The following OGA variants were observed in gnomAD, a reference collection of about 807,000 sequenced individuals.
The protein encoded by OGA is O-GlcNAcase, also known as protein O-GlcNAcase.
A neutral mutation model predicts 102.0 loss-of-function variants in OGA; 21 were observed. The ratio of observed to expected loss-of-function variants is 0.21; its 90% CI spans 0.15 to 0.30. The LOEUF (loss-of-function observed/expected upper bound fraction) is 0.30, where lower values mean the gene tolerates loss of function less well. Ranked by LOEUF, OGA falls within the 10% of genes least tolerant of loss-of-function variation. The pLI is 1.00. For synonymous variants in OGA, 408 were observed against 378.2 expected, an observed-to-expected ratio of 1.08 and a Z score of -0.91; for missense variants, 765 against 1,107.8, an observed-to-expected ratio of 0.69 and a Z score of 4.39.
chr10:101,809,780 G>A (rs2065528625), intron 4 of OGA, among the ~76,000 whole-genome samples: 1 of 150,570 alleles, frequency 6.6e-6, no homozygotes, highest in Non-Finnish European at 1.5e-5. Flanking sequence ...TAAAAAACCA[G>A]GCATGGTGAC....
At chr10:101,805,061 G>T (rs2065450442) in intron 6 of OGA, among the ~76,000 whole-genome samples, 1 of 151,832 alleles carries the variant, frequency 6.6e-6, no homozygotes, top group Admixed American at 6.6e-5. Context: ...TTTTGAGACA[G>T]GGTCTCATTC....
chr10:101,787,261 G>A, intron 15 of OGA, 103 bp downstream of exon 15: 1 of 1,184,316 alleles, frequency 8.4e-7, no homozygotes, highest in Non-Finnish European at 1.2e-6. Context: ...GGTGGGAAAA[G>A]CAGTATAAAT....
chr10:101,811,056 T>C (rs1387210553), intron 3 of OGA, among the ~76,000 whole-genome samples: 1 of 151,778 alleles, frequency 6.6e-6, no homozygotes, highest in South Asian at 2.1e-4. Context: ...AACCTACACA[T>C]AACTACTTTA....
intron 3 of OGA, chr10:101,812,828 A>C: frequency 4.7e-6 from 3 of 635,402 alleles, no homozygotes; most frequent in East Asian, 3.2e-5. Flanking sequence ...TAGCACGCCC[A>C]TGATATCACA....
chr10:101,810,630 C>T (rs1000403832), intron 3 of OGA, among the ~76,000 whole-genome samples: 28 of 152,306 alleles, frequency 1.8e-4, no homozygotes, highest in African/African-American at 6.3e-4. Flanking sequence ...AATCAATAAA[C>T]ATTTTCCTCC....
rs2065666252 is a variant in OGA, at chr10:101,818,057, C to T, written c.-35G>A. On this transcript the variant is annotated 5_prime_UTR_variant, in exon 1 of 16. Transcript: ENST00000361464. ...CCCGGCCGCTGCCACCTCTGCGGGT[C>T]CTCCTCGACCTCTGTCCGTTGGGGC... 2.0e-6 allele frequency: 3 copies of T among 1,518,800 alleles called. No homozygotes were observed. Among genetic ancestry groups the T allele is most frequent in the East Asian group, 2.4e-5 (1 of 40,980 alleles). 94.1% of individuals were successfully genotyped at this position (1,518,800 alleles called of 1,614,324 possible). A position where few individuals can be genotyped will look rare whatever the true frequency, so the allele number is the denominator to read the frequency against.
At chr10:101,813,394 A>G (rs1328522984) in intron 2 of OGA, among the ~76,000 whole-genome samples, 161 bp downstream of exon 2, 4 of 152,230 alleles carry the variant, frequency 2.6e-5, no homozygotes, top group Admixed American at 1.3e-4. Context: ...TTTGAAAATC[A>G]AAGGCCTAGG....
At chr10:101,811,416 A>AT in intron 3 of OGA, among the ~76,000 whole-genome samples, 1 of 148,580 alleles carries the variant, frequency 6.7e-6, no homozygotes, top group East Asian at 2.0e-4. Context: ...GAAAAAAAAA[A>AT]AAAAAAAAAA....
rs761094424 is a variant in OGA, at chr10:101,818,017, C to T, written c.6G>A (p.Val2=). 1 of 1,586,412 alleles carries T rather than the reference C, an allele frequency of 6.3e-7. No homozygotes were observed. The highest frequency in any genetic ancestry group is 1.1e-5 in the South Asian group (1 of 89,392). ...CCAACGTCGCTTGACTCTCCTTCTG[C>T]ACCATCCTCCTGCCCCCGGCCGCTG... M[V]QKESQATLEE... The change falls in exon 1 of 16, where the codon GTG becomes GTA. Residue 2 remains valine, a synonymous_variant. Coordinates refer to ENST00000361464, the MANE Select transcript of OGA (RefSeq NM_012215.5).
In OGA at chr10:101,799,033, G is replaced by A. The variant is rs1300858963; in HGVS notation, c.1618C>T (p.Pro540Ser). 6.2e-7 allele frequency: 1 copy of A among 1,614,154 alleles called. No individual in the cohort carries two copies. Among genetic ancestry groups the A allele is most frequent in the Non-Finnish European group, 8.5e-7 (1 of 1,180,004 alleles). The change falls in exon 9 of 16, where the codon CCA (proline) becomes TCA (serine). Residue 540 changes from proline to serine, a missense_variant. By Grantham distance (74) the Pro-to-Ser change is moderately conservative. Transcript: ENST00000361464. ...DEQTNKEQFV[P>S]GPNEKPLYTA... ...TACAAAGGCTTTTCATTTGGACCTG[G>A]CACAAACTGCTCCTTGTTTGTCTGT...
At position 101,786,179 on chromosome 10, in the gene OGA, T is replaced by C. The variant is rs555413772; in HGVS notation, c.*272A>G. 14 of 281,250 alleles carry C rather than the reference T, an allele frequency of 5.0e-5. No homozygotes were observed. The East Asian group carries it at 8.4e-4, about 17-fold the overall frequency. The allele number at this position is 281,250 out of a possible 1,614,324, so 17.4% of individuals were successfully genotyped here. ...ACATTTATTGAAGACTCTCTCCCTGTATAAGCCCATGTAAAAGGTCTCAGC... is the reference window on the plus strand; with the variant it reads ...ACATTTATTGAAGACTCTCTCCCTGCATAAGCCCATGTAAAAGGTCTCAGC... On this transcript the variant is annotated 3_prime_UTR_variant, in exon 16 of 16. Transcript: ENST00000361464.
rs758863170 is a variant in OGA, at chr10:101,813,103, T to C, written c.276A>G (p.Thr92=). Residue 92 remains threonine, a synonymous_variant, in exon 3 of 16, where the codon ACA becomes ACG. Transcript: ENST00000361464. ...FRRLQKWELN[T]YLYAPKDDYK... ...AGTCATCTTTTGGGGCATACAAGTA[T>C]GTATTTAATTCCCATTTCTGGAGCC... The C allele has an allele frequency of 3.1e-6, 5 of 1,612,314 alleles. No individual in the cohort carries two copies. The Admixed American group carries it at 5.0e-5, about 16-fold the overall frequency.
chr10:101,800,233 C>T lies in OGA; in HGVS notation c.1195+9G>A. ...TCTAACCCCCTTAACAAAGAATGGC[C>T]AAACTCACTGCTGTATTGATGAGGC... On this transcript the variant is annotated intron_variant, in intron 8 of 15. Transcript: ENST00000361464. 6.2e-7 allele frequency: 1 copy of T among 1,611,856 alleles called. No individual in the cohort carries two copies. The highest frequency in any genetic ancestry group is 8.5e-7 in the Non-Finnish European group (1 of 1,178,604).
chr10:101,786,536 T>C lies in OGA; in HGVS notation c.2666A>G (p.Glu889Gly), dbSNP rs767599956. Residue 889 changes from glutamate to glycine, a missense_variant, in exon 16 of 16, where the codon GAA (glutamate) becomes GGA (glycine). Physicochemically the swap from Glu to Gly is moderately conservative, Grantham distance 98. This residue lies in a region of OGA where 146 missense variants were observed against 269.7 expected (regional missense o/e 0.54). Transcript: ENST00000361464. ...EVRPDDKRILEFYSKLGCFEI... is the reference protein window; with the variant it reads ...EVRPDDKRILGFYSKLGCFEI... Reference sequence around the variant, plus strand: ...AAAACATCCTAACTTGCTGTAAAATTCCAGAATTCTTTTATCATCTGGTCT... The same window carrying C: ...AAAACATCCTAACTTGCTGTAAAATCCCAGAATTCTTTTATCATCTGGTCT... The C allele has an allele frequency of 6.2e-7, 1 of 1,611,884 alleles. No individual in the cohort carries two copies. The highest frequency in any genetic ancestry group is 1.7e-5 in the Admixed American group (1 of 59,754).
chr10:101,813,114 C>G lies in OGA; in HGVS notation c.265G>C (p.Glu89Gln). 1 of 1,608,464 alleles carries G rather than the reference C, an allele frequency of 6.2e-7. No homozygotes were observed. The highest frequency in any genetic ancestry group is 8.5e-7 in the Non-Finnish European group (1 of 1,177,640). ...KELFRRLQKW[E>Q]LNTYLYAPKD... ...GGGGCATACAAGTATGTATTTAATT[C>G]CCATTTCTGGAGCCTTAAGGAGAAA... Residue 89 changes from glutamate to glutamine, a missense_variant, in exon 3 of 16, where the codon GAA becomes CAA. Physicochemically the swap from Glu to Gln is conservative, Grantham distance 29 (BLOSUM62 2). This residue lies in a region of OGA where 165 missense variants were observed against 249.7 expected (regional missense o/e 0.66). Transcript: ENST00000361464.
At chr10:101,807,355 A>G (rs2065490175) in intron 5 of OGA, among the ~76,000 whole-genome samples, 1 of 152,204 alleles carries the variant, frequency 6.6e-6, no homozygotes, top group Non-Finnish European at 1.5e-5. Flanking sequence ...GGAGGAGTGC[A>G]AAAAGGGACA....
Position 101,817,954 on chromosome 10 carries a change from G to A in OGA, c.69C>T (p.Ala23=), listed in dbSNP as rs2065664135. The change falls in exon 1 of 16, where the codon GCC becomes GCT. Residue 23 remains alanine, a synonymous_variant. Coordinates refer to ENST00000361464, the MANE Select transcript of OGA (RefSeq NM_012215.5). ...GCGGCTCCAGCGATGCCCCCGCAGA[G>A]GCGGCAGGGTTGGAGCTGAGCTCGC... ...RESELSSNPA[A]SAGASLEPPA... The A allele has an allele frequency of 6.2e-6, 10 of 1,602,092 alleles. No individual in the cohort carries two copies. The highest frequency in any genetic ancestry group is 1.3e-5 in the African/African-American group (1 of 74,690).
Position 101,803,989 on chromosome 10 carries a change from A to T in OGA, c.782T>A (p.Val261Glu), listed in dbSNP as rs752084550. ...CTTAGAAACCTCTTCGATGGACTCT[A>T]CTGGAATTTCTTTAGAAACAACTTT... ...GPKVVSKEIP[V>E]ESIEEVSKII... The change falls in exon 7 of 16, where the codon GTA becomes GAA. Residue 261 changes from valine to glutamate, a missense_variant. Val to Glu is a moderately radical substitution (Grantham distance 121). Around this residue, in one of 7 missense-constraint regions of OGA, gnomAD observed 165 missense variants for 249.7 expected, o/e 0.66. Coordinates refer to ENST00000361464, the MANE Select transcript of OGA (RefSeq NM_012215.5). The T allele has an allele frequency of 1.2e-6, 2 of 1,610,328 alleles. No homozygotes were observed. The highest frequency in any genetic ancestry group is 8.5e-7 in the Non-Finnish European group (1 of 1,178,068).
In OGA at chr10:101,813,556, T is replaced by G; in HGVS notation, c.250A>C (p.Arg84=). The change falls in exon 2 of 16, where the codon AGG becomes CGG. Residue 84 remains arginine, a splice_region_variant and synonymous_variant. Transcript: ENST00000361464. The stretch of plus-strand genomic sequence containing the variant: ...CTCCTTCATATAATGAAGATTTACC[T>G]TCTAAAGAGTTCTTTTCTCTGTTCC... The part of the protein sequence containing the change: ...VMEQRKELFR[R]LQKWELNTYL... 6.5e-7 allele frequency: 1 copy of G among 1,538,020 alleles called. No individual in the cohort carries two copies. The highest frequency in any genetic ancestry group is 8.9e-7 in the Non-Finnish European group (1 of 1,120,884).
Sources: gnomAD v4.1 joint callset for allele counts (sites outside exome capture counted in the v4.1 genomes callset) on GRCh38, gnomAD v4.1.1 for gene constraint, gnomAD v4.1.1 regional missense constraint, MANE v1.5 for transcripts, NCBI Gene and HGNC (gene_info 2026-07-23, HGNC 2026-07-21) for gene names.